ATP2A2: variants seen among roughly 807,000 people sequenced by gnomAD.
ATP2A2 encodes sarcoplasmic/endoplasmic reticulum calcium ATPase 2.
In ATP2A2, 14 loss-of-function variants were observed where a neutral mutation model predicts 109.3. That is an observed-to-expected ratio of 0.13 (90% CI 0.08 to 0.20). The LOEUF (loss-of-function observed/expected upper bound fraction) is 0.20, where lower values mean the gene tolerates loss of function less well. Ranked by LOEUF, ATP2A2 falls within the 10% of genes least tolerant of loss-of-function variation. ATP2A2 has a pLI of 1.00. For missense variants in ATP2A2, 657 were observed against 1,321.6 expected (o/e 0.50, Z 7.80); for synonymous variants, 506 against 490.9 (o/e 1.03, Z -0.41).
Position 110,319,047 on chromosome 12 carries a change from C to A in ATP2A2, c.464-3945C>A, listed in dbSNP as rs12302631. ...TAAAACCTTTTTAAAAATATGGATT[C>A]TTAATTTTAAAATTAACCTGGTGCA... On this transcript the variant is annotated intron_variant, in intron 5 of 19. Coordinates refer to ENST00000539276, the MANE Select transcript of ATP2A2 (RefSeq NM_170665.4). Among the ~76,000 whole-genome samples the A allele has an allele frequency of 1.1e-4, 16 of 151,854 alleles. No individual in the cohort carries two copies. In the East Asian group the frequency reaches 1.7e-3, roughly 17 times the overall value.
chr12:110,310,559 A>G (rs1204993245), intron 5 of ATP2A2, among the ~76,000 whole-genome samples: 4 of 152,258 alleles, frequency 2.6e-5, no homozygotes, highest in Admixed American at 1.3e-4. Flanking sequence ...GTTGATGAAT[A>G]GCACCAGGAA....
chr12:110,334,717 A>G (rs955992455), intron 11 of ATP2A2, among the ~76,000 whole-genome samples: 2 of 150,096 alleles, frequency 1.3e-5, no homozygotes, highest in African/African-American at 2.5e-5. Flanking sequence ...CCTCCCTAGT[A>G]GCTGGGATTA....
intron 3 of ATP2A2, 78 bp from the exon 4 acceptor site, chr12:110,291,942 C>A: frequency 7.7e-7 from 1 of 1,292,936 alleles, no homozygotes; most frequent in Non-Finnish European, 1.1e-6. Context: ...CCACCATGCT[C>A]GGCCAGTGCT....
chr12:110,321,069 A>G (rs992013973), intron 5 of ATP2A2, among the ~76,000 whole-genome samples: 1 of 152,200 alleles, frequency 6.6e-6, no homozygotes, highest in African/African-American at 2.4e-5. Flanking sequence ...TCTACTAAAA[A>G]TACAAAAATG....
In ATP2A2 at chr12:110,350,392, ATG is replaced by A; in HGVS notation, c.*3923_*3924del. The A allele has an allele frequency of 6.2e-7, 1 of 1,602,970 alleles. No homozygotes were observed. The highest frequency in any genetic ancestry group is 8.5e-7 in the Non-Finnish European group (1 of 1,170,874). ...AGCAACACATCTACCAACCCTGTGC[ATG>A]ACTGATGTTGGGGAAAAAGAAAAGT... On this transcript the variant is annotated 3_prime_UTR_variant, in exon 20 of 20. Coordinates refer to ENST00000539276, the MANE Select transcript of ATP2A2 (RefSeq NM_170665.4).
chr12:110,350,565 G>A lies in ATP2A2; in HGVS notation c.*4095G>A. The A allele has an allele frequency of 3.5e-6, 2 of 579,016 alleles. No individual in the cohort carries two copies. The highest frequency in any genetic ancestry group is 6.0e-6 in the Non-Finnish European group (2 of 334,838). 35.9% of individuals were successfully genotyped at this position (579,016 alleles called of 1,614,324 possible). On this transcript the variant is annotated 3_prime_UTR_variant, in exon 20 of 20. Coordinates refer to ENST00000539276, the MANE Select transcript of ATP2A2 (RefSeq NM_170665.4). ...TCCAGAGAAGTTTGGTTTCTTTGCT[G>A]CAAGAGGAATGAGGCTCTGTAACCT...
intron 5 of ATP2A2, among the ~76,000 whole-genome samples, chr12:110,317,281 G>A (rs1876767844): frequency 6.6e-6 from 1 of 152,118 alleles, no homozygotes; most frequent in Non-Finnish European, 1.5e-5. Flanking sequence ...GTAATTTCTG[G>A]TCTTAAATAG....
chr12:110,346,854 CTAAA>C lies in ATP2A2; in HGVS notation c.*387_*390del, dbSNP rs938280988. 1 of 1,120,658 alleles carries C rather than the reference CTAAA, an allele frequency of 8.9e-7. No individual in the cohort carries two copies. Among genetic ancestry groups the C allele is most frequent in the African/African-American group, 1.7e-5 (1 of 59,620 alleles). 69.4% of individuals were successfully genotyped at this position (1,120,658 alleles called of 1,614,324 possible). On this transcript the variant is annotated 3_prime_UTR_variant, in exon 20 of 20. Transcript: ENST00000539276. ...AATGTGTGTGGTTTTTTTTCTAAAA[CTAAA>C]TAGCATGTATTGTGTCTTTTGCATG...
rs1880199714 is a variant in ATP2A2, at chr12:110,349,480, ACT to A, written c.*3013_*3014del. On this transcript the variant is annotated 3_prime_UTR_variant, in exon 20 of 20. Coordinates refer to ENST00000539276, the MANE Select transcript of ATP2A2 (RefSeq NM_170665.4). ...TCATACATACCCTAACTGGGACACC[ACT>A]CTGCAGAATGCAGATGATCCATTCT... is the stretch of plus-strand genomic sequence containing the variant. The A allele has an allele frequency of 2.0e-6, 2 of 985,290 alleles. No homozygotes were observed. The highest frequency in any genetic ancestry group is 3.5e-5 in the African/African-American group (2 of 57,176). 61.0% of individuals were successfully genotyped at this position (985,290 alleles called of 1,614,324 possible).
chr12:110,318,360 C>T (rs1876883756), intron 5 of ATP2A2, among the ~76,000 whole-genome samples: 1 of 152,150 alleles, frequency 6.6e-6, no homozygotes, highest in Admixed American at 6.5e-5. Context: ...ATTGAGCTTC[C>T]TTAGAGAAGG....
chr12:110,303,242 TACAG>T (rs1217296975), intron 5 of ATP2A2, among the ~76,000 whole-genome samples: 1 of 152,172 alleles, frequency 6.6e-6, no homozygotes, highest in African/African-American at 2.4e-5. Flanking sequence ...TATAATATTA[TACAG>T]ACAGAGTCTT....
chr12:110,312,543 A>G (rs933143773), intron 5 of ATP2A2, among the ~76,000 whole-genome samples: 18 of 152,134 alleles, frequency 1.2e-4, no homozygotes, highest in African/African-American at 4.3e-4. Flanking sequence ...GATTCTAGCT[A>G]TTTAGTTTTG....
intron 5 of ATP2A2, among the ~76,000 whole-genome samples, chr12:110,319,222 T>TG (rs1491066007): frequency 1.0e-4 from 1 of 9,572 alleles, no homozygotes; most frequent in Non-Finnish European, 2.2e-4. Flanking sequence ...GAATAAAAAA[T>TG]GAAAAAAAAA....
intron 5 of ATP2A2, among the ~76,000 whole-genome samples, chr12:110,314,336 GAAAAAA>G (rs398055936): frequency 8.2e-6 from 1 of 122,570 alleles, no homozygotes; most frequent in African/African-American, 2.8e-5. Context: ...CTCAAAAAAA[GAAAAAA>G]AAAAAAAAAG....
intron 3 of ATP2A2, among the ~76,000 whole-genome samples, chr12:110,288,437 T>G (rs1001974703): frequency 6.6e-6 from 1 of 151,316 alleles, no homozygotes; most frequent in African/African-American, 2.4e-5. Context: ...GGAGTTTTGC[T>G]CTTGTCAGCC....
intron 5 of ATP2A2, among the ~76,000 whole-genome samples, chr12:110,303,077 A>T (rs1034295714): frequency 1.3e-5 from 2 of 152,210 alleles, no homozygotes; most frequent in Non-Finnish European, 2.9e-5. Context: ...CACCTTAAGG[A>T]CAGAACTGTC....
intron 1 of ATP2A2, among the ~76,000 whole-genome samples, chr12:110,282,403 C>A (rs1872223093): frequency 6.6e-6 from 1 of 152,212 alleles, no homozygotes; most frequent in Admixed American, 6.5e-5. Flanking sequence ...ACAAAGAGTG[C>A]ATGCTTCCTT....
intron 4 of ATP2A2, among the ~76,000 whole-genome samples, chr12:110,294,677 A>G (rs1226286412): frequency 6.6e-6 from 1 of 152,202 alleles, no homozygotes; most frequent in Non-Finnish European, 1.5e-5. Context: ...TTTTTAAAAA[A>G]AGAACATTCT....
chr12:110,328,423 T>C (rs138442299), intron 8 of ATP2A2, among the ~76,000 whole-genome samples: 1 of 151,992 alleles, frequency 6.6e-6, no homozygotes, highest in East Asian at 1.9e-4. Context: ...AGACAAAAAT[T>C]AGCTGAGTGG....
Sources: gnomAD v4.1 joint callset for allele counts (sites outside exome capture counted in the v4.1 genomes callset) on GRCh38, gnomAD v4.1.1 for gene constraint, MANE v1.5 for transcripts, NCBI Gene and HGNC (gene_info 2026-07-23, HGNC 2026-07-21) for gene names.